The following ZDHHC2 variants were observed in gnomAD, a reference collection of about 807,000 sequenced individuals.
ZDHHC2 encodes palmitoyltransferase ZDHHC2.
In ZDHHC2, 51 loss-of-function variants were observed where a neutral mutation model predicts 55.6. That is an observed-to-expected ratio of 0.92 (90% confidence interval 0.73 to 1.16). The LOEUF is 1.16. ZDHHC2 is among the 50% of genes most tolerant of loss of function. The pLI is 0.00. For missense variants in ZDHHC2, 491 were observed against 442.4 expected (o/e 1.11, Z -0.99); for synonymous variants, 199 against 152.9 (o/e 1.30, Z -2.22).
chr8:17,203,840 C>G (rs1004443484), intron 6 of ZDHHC2, among the ~76,000 whole-genome samples: 3 of 143,098 alleles, frequency 2.1e-5, no homozygotes, highest in Non-Finnish European at 4.5e-5. Context: ...AGGAAGTCTC[C>G]CTTTGTTGCC....
At chr8:17,192,772 C>G (rs1806101742) in intron 3 of ZDHHC2, among the ~76,000 whole-genome samples, 1 of 152,178 alleles carries the variant, frequency 6.6e-6, no homozygotes, top group African/African-American at 2.4e-5. Context: ...AGATTTAAGT[C>G]TTTAATCCAT....
chr8:17,156,894 GC>G, intron 1 of ZDHHC2, 41 bp downstream of exon 1: 1 of 1,468,606 alleles, frequency 6.8e-7, no homozygotes. Flanking sequence ...GCGCAGCGCA[GC>G]CCACCCCGAC....
intron 8 of ZDHHC2, 70 bp from the exon 9 acceptor site, chr8:17,209,861 AT>A: frequency 6.8e-7 from 1 of 1,460,938 alleles, no homozygotes; most frequent in Middle Eastern, 1.8e-4. Context: ...TACTTCAATT[AT>A]TGATAAATAT....
rs1013266276 is a variant in ZDHHC2 at position 17,199,447 on chromosome 8, C to T, written c.476+1034C>T. 4.3e-5 allele frequency among the ~76,000 whole-genome samples: 6 copies of T among 141,124 alleles called. No homozygotes were observed. In the East Asian group the frequency reaches 6.5e-4, roughly 15 times the overall value. 92.6% of individuals were successfully genotyped at this position (141,124 alleles called of 152,430 possible). A position where few individuals can be genotyped will look rare whatever the true frequency, so the allele number is the denominator to read the frequency against. The stretch of plus-strand genomic sequence containing the variant: ...TTTTTACAACAAGTGTTCCCTCTCC[C>T]CCAGTGTCTTTAATAAGACTTCTTC... On this transcript the variant is annotated intron_variant, in intron 6 of 12. Transcript: ENST00000262096.
rs376503216 is a variant in ZDHHC2, at chr8:17,197,708, A to C, written c.443+57A>C. 1.7e-5 allele frequency: 26 copies of C among 1,503,012 alleles called. No individual in the cohort carries two copies. The Middle Eastern group carries it at 8.6e-4, about 50-fold the overall frequency. The allele number at this position is 1,503,012 out of a possible 1,614,324, so 93.1% of individuals were successfully genotyped here. The stretch of plus-strand genomic sequence containing the variant: ...CATGCTGGTGGTCTTTTTCTTCATT[A>C]TGTTTCTTTTCTCACTGTTTTCCTG... On this transcript the variant is annotated intron_variant, in intron 5 of 12. Transcript: ENST00000262096.
intron 3 of ZDHHC2, among the ~76,000 whole-genome samples, chr8:17,188,044 A>C (rs1009521040): frequency 3.3e-5 from 5 of 152,222 alleles, no homozygotes; most frequent in East Asian, 3.8e-4. Context: ...GGTTATTTTA[A>C]AACAAGCAGA....
rs1259956487 is a variant in ZDHHC2 at position 17,221,875 on chromosome 8, T to A, written c.*1654T>A. The stretch of plus-strand genomic sequence containing the variant: ...TTTTAGAGCACGTTTTGGTCATTTT[T>A]AAAAATACCTAAAGTGCCAGACCGG... On this transcript the variant is annotated 3_prime_UTR_variant, in exon 13 of 13. Coordinates refer to ENST00000262096, the MANE Select transcript of ZDHHC2 (RefSeq NM_016353.5). 6.6e-6 allele frequency: 1 copy of A among 152,018 alleles called. No individual in the cohort carries two copies. The highest frequency in any genetic ancestry group is 1.9e-4 in the East Asian group (1 of 5,190). 9.4% of individuals were successfully genotyped at this position (152,018 alleles called of 1,614,324 possible).
At chr8:17,173,258 C>G (rs1293341334) in intron 1 of ZDHHC2, among the ~76,000 whole-genome samples, 1 of 152,164 alleles carries the variant, frequency 6.6e-6, no homozygotes. Context: ...ATATGTAGAT[C>G]CCATCATGAC....
At chr8:17,180,167 T>A (rs1292926491) in intron 1 of ZDHHC2, among the ~76,000 whole-genome samples, 2 of 152,218 alleles carry the variant, frequency 1.3e-5, no homozygotes, top group Non-Finnish European at 2.9e-5. Flanking sequence ...TCTTTATTTT[T>A]TTTTAAAGTA....
At chr8:17,213,747 G>C (rs1807500155) in intron 10 of ZDHHC2, among the ~76,000 whole-genome samples, 1 of 152,148 alleles carries the variant, frequency 6.6e-6, no homozygotes, top group African/African-American at 2.4e-5. Context: ...CCTGTTAGCA[G>C]TAATGAATCT....
At chr8:17,202,239 T>G (rs1198770067) in intron 6 of ZDHHC2, among the ~76,000 whole-genome samples, 2 of 152,338 alleles carry the variant, frequency 1.3e-5, no homozygotes, top group East Asian at 1.9e-4. Flanking sequence ...TTATTTTATC[T>G]TATTTTTTTG....
At chr8:17,207,800 A>G (rs1177633550) in intron 7 of ZDHHC2, among the ~76,000 whole-genome samples, 160 bp from the exon 8 acceptor site, 1 of 152,064 alleles carries the variant, frequency 6.6e-6, no homozygotes, top group Non-Finnish European at 1.5e-5. Context: ...GATGAAATAT[A>G]TGCATATTTT....
chr8:17,218,015 CA>C (rs1430234255), intron 12 of ZDHHC2, among the ~76,000 whole-genome samples: 1 of 152,118 alleles, frequency 6.6e-6, no homozygotes, highest in African/African-American at 2.4e-5. Context: ...ACTTGTAAAA[CA>C]AAATGATTTG....
chr8:17,186,104 T>C (rs7013382), intron 2 of ZDHHC2, among the ~76,000 whole-genome samples: 4 of 152,226 alleles, frequency 2.6e-5, no homozygotes, highest in African/African-American at 9.6e-5. Context: ...GAGGCTTTTA[T>C]TCATGGGCAT....
intron 6 of ZDHHC2, among the ~76,000 whole-genome samples, chr8:17,204,471 A>G (rs1216252112): frequency 6.6e-6 from 1 of 152,264 alleles, no homozygotes; most frequent in African/African-American, 2.4e-5. Context: ...CCATGAAGGT[A>G]TTAGCCAATT....
intron 3 of ZDHHC2, among the ~76,000 whole-genome samples, chr8:17,190,954 T>G (rs1805996007): frequency 8.7e-6 from 1 of 115,072 alleles, no homozygotes; most frequent in Non-Finnish European, 1.7e-5. Context: ...ATTCATTCTT[T>G]TTTTTTTTTT....
chr8:17,203,927 C>T (rs780890808), intron 6 of ZDHHC2, among the ~76,000 whole-genome samples: 1 of 151,964 alleles, frequency 6.6e-6, no homozygotes, highest in Non-Finnish European at 1.5e-5. Context: ...CCTGCCTCGG[C>T]CTCCCGAGTA....
At chr8:17,199,711 T>C (rs1435131485) in intron 6 of ZDHHC2, among the ~76,000 whole-genome samples, 1 of 150,132 alleles carries the variant, frequency 6.7e-6, no homozygotes, top group Admixed American at 6.6e-5. Context: ...CTTCCTTCTT[T>C]CTTCTTCCTT....
At chr8:17,204,700 C>T (rs994745323) in intron 6 of ZDHHC2, among the ~76,000 whole-genome samples, 10 of 152,218 alleles carry the variant, frequency 6.6e-5, no homozygotes, top group African/African-American at 2.2e-4. Flanking sequence ...AGCAAAACAA[C>T]TAATGGATAC....
Sources: gnomAD v4.1 joint callset for allele counts (sites outside exome capture counted in the v4.1 genomes callset) on GRCh38, gnomAD v4.1.1 for gene constraint, MANE v1.5 for transcripts, NCBI Gene and HGNC (gene_info 2026-07-23, HGNC 2026-07-21) for gene names.